ZEB2: variants seen among roughly 807,000 people sequenced by gnomAD.
ZEB2 encodes the protein zinc finger E-box binding homeobox 2.
A neutral mutation model predicts 99.9 loss-of-function variants in ZEB2; 6 were observed. That is an observed-to-expected ratio of 0.06 (90% CI 0.03 to 0.12). The LOEUF (loss-of-function observed/expected upper bound fraction) is 0.12, where lower values mean the gene tolerates loss of function less well. Ranked by LOEUF, ZEB2 falls within the 10% of genes least tolerant of loss-of-function variation. The pLI, the probability that ZEB2 is intolerant of heterozygous loss-of-function variation, is 1.00. For missense variants in ZEB2, 969 were observed against 1,502.8 expected, an observed-to-expected ratio of 0.64 and a Z score of 5.87; for synonymous variants, 517 against 542.5, an observed-to-expected ratio of 0.95 and a Z score of 0.65.
chr2:144,515,917 G>C (rs1313562647), intron 2 of ZEB2: 1 of 152,322 alleles, frequency 6.6e-6, no homozygotes, highest in East Asian at 1.9e-4. Context: ...TCCCCGCGCC[G>C]CGCAGCTCTG....
rs1457529551 is a variant in ZEB2 at position 144,457,387 on chromosome 2, T to G, written c.74-27361A>C. Among the ~76,000 whole-genome samples, 3 of 152,316 alleles carry G rather than the reference T, an allele frequency of 2.0e-5. No individual in the cohort carries two copies. The East Asian group carries it at 5.8e-4, about 29-fold the overall frequency. On this transcript the variant is annotated intron_variant, in intron 2 of 9. Coordinates refer to ENST00000627532, the MANE Select transcript of ZEB2 (RefSeq NM_014795.4). ...TTCCTGACTCCAGAAACTATTTGTC[T>G]CTAGATTCTATCTGTGCTCTCTTCA...
chr2:144,471,134 A>G (rs6430059), intron 2 of ZEB2, among the ~76,000 whole-genome samples: 92,219 of 151,964 alleles, frequency 0.61, 28,715 homozygotes, highest in Non-Finnish European at 0.69. Context: ...GTTACCTGAT[A>G]TAAGTGATTA....
chr2:144,469,548 C>T (rs1161177399), intron 2 of ZEB2, among the ~76,000 whole-genome samples: 1 of 152,128 alleles, frequency 6.6e-6, no homozygotes, highest in Non-Finnish European at 1.5e-5. Flanking sequence ...CCTGTGTTTT[C>T]CTTCTAACCA....
intron 2 of ZEB2, among the ~76,000 whole-genome samples, chr2:144,483,020 A>G (rs1163775412): frequency 6.6e-6 from 1 of 152,034 alleles, no homozygotes; most frequent in African/African-American, 2.4e-5. Context: ...TCTTCATTCA[A>G]CTTAGAAAAC....
intron 2 of ZEB2, among the ~76,000 whole-genome samples, chr2:144,493,750 G>A (rs1704717515): frequency 6.6e-6 from 1 of 152,130 alleles, no homozygotes; most frequent in Non-Finnish European, 1.5e-5. Flanking sequence ...ACCTCTTTGT[G>A]ATATTAAAAT....
At chr2:144,486,663 A>G (rs933903389) in intron 2 of ZEB2, among the ~76,000 whole-genome samples, 10 of 152,318 alleles carry the variant, frequency 6.6e-5, no homozygotes, top group African/African-American at 2.4e-4. Flanking sequence ...ATTATCATGT[A>G]TCCAAAAGGG....
chr2:144,509,252 G>A (rs558488719), intron 2 of ZEB2, among the ~76,000 whole-genome samples: 4 of 152,212 alleles, frequency 2.6e-5, no homozygotes, highest in African/African-American at 7.2e-5. Flanking sequence ...CATTATCCCC[G>A]TACCTCACTT....
chr2:144,393,311 T>C (rs1703176112), intron 9 of ZEB2, among the ~76,000 whole-genome samples: 1 of 152,170 alleles, frequency 6.6e-6, no homozygotes, highest in African/African-American at 2.4e-5. Flanking sequence ...GGAAATAAAT[T>C]GAGGCAAAAA....
chr2:144,476,200 T>A (rs1209732635), intron 2 of ZEB2, among the ~76,000 whole-genome samples: 47 of 152,308 alleles, frequency 3.1e-4, no homozygotes, highest in Non-Finnish European at 1.5e-5. Flanking sequence ...AGTTCTCATT[T>A]GCGCCATTTG....
At position 144,398,757 on chromosome 2, in the gene ZEB2, C is replaced by A. The variant is rs773130605; in HGVS notation, c.2430G>T (p.Glu810Asp). The A allele has an allele frequency of 6.2e-7, 1 of 1,614,094 alleles. No individual in the cohort carries two copies. The highest frequency in any genetic ancestry group is 1.1e-5 in the South Asian group (1 of 91,088). The part of the protein sequence containing the change: ...SYTPNSFSSE[E>D]LQAEPLDLSL... ...ACAAGTCTAAAGGCTCAGCCTGGAG[C>A]TCCTCAGAAGAGAAGCTGTTTGGAG... Residue 810 changes from glutamate (E) to aspartate (D), a missense_variant, in exon 8 of 10, where the codon GAG becomes GAT. Physicochemically the swap from Glu to Asp is conservative, Grantham distance 45 (BLOSUM62 2). Coordinates refer to ENST00000627532, the MANE Select transcript of ZEB2 (RefSeq NM_014795.4).
intron 2 of ZEB2, among the ~76,000 whole-genome samples, chr2:144,435,875 A>G (rs1434492539): frequency 1.3e-5 from 2 of 151,742 alleles, no homozygotes; most frequent in African/African-American, 4.8e-5. Context: ...GCTATTTTTC[A>G]ATAATTTTTG....
At position 144,520,094 on chromosome 2, in the gene ZEB2, T is replaced by C; in HGVS notation, c.-225A>G. ...CCAAGAGTGTCGGGAGGCAGGACCG[T>C]TATTCCTGCAGAGCAGGTTAGAACT... On this transcript the variant is annotated 5_prime_UTR_variant, in exon 1 of 10. Coordinates refer to ENST00000627532, the MANE Select transcript of ZEB2 (RefSeq NM_014795.4). 2.2e-6 allele frequency: 1 copy of C among 454,520 alleles called. No homozygotes were observed. The highest frequency in any genetic ancestry group is 4.4e-6 in the Non-Finnish European group (1 of 226,788). The allele number at this position is 454,520 out of a possible 1,614,324, so 28.2% of individuals were successfully genotyped here.
intron 9 of ZEB2, chr2:144,394,463 G>C (rs970790311): frequency 1.6e-4 from 24 of 152,170 alleles, no homozygotes; most frequent in African/African-American, 5.5e-4. Flanking sequence ...GATGCCTTCA[G>C]TGATGTGCCT....
intron 2 of ZEB2, among the ~76,000 whole-genome samples, chr2:144,498,210 T>C (rs2149923769): frequency 7.5e-6 from 1 of 133,674 alleles, no homozygotes; most frequent in East Asian, 2.0e-4. Context: ...GCTAAGCTCA[T>C]AGGGCACTAC....
At chr2:144,489,638 TA>T (rs2149918528) in intron 2 of ZEB2, among the ~76,000 whole-genome samples, 2 of 152,378 alleles carry the variant, frequency 1.3e-5, no homozygotes, top group East Asian at 3.9e-4. Context: ...TGGAACGGTG[TA>T]ATTATGTTCT....
chr2:144,475,400 A>T (rs939391059), intron 2 of ZEB2, among the ~76,000 whole-genome samples: 2 of 152,222 alleles, frequency 1.3e-5, no homozygotes, highest in Non-Finnish European at 2.9e-5. Context: ...CAACTAAAAA[A>T]GTAATTCCTT....
intron 2 of ZEB2, among the ~76,000 whole-genome samples, chr2:144,470,793 G>A (rs1704344680): frequency 6.6e-6 from 1 of 152,054 alleles, no homozygotes; most frequent in Non-Finnish European, 1.5e-5. Flanking sequence ...CCAGCATCTA[G>A]TCAGCAGACT....
intron 2 of ZEB2, chr2:144,513,050 G>T (rs943803750): frequency 7.8e-7 from 1 of 1,287,122 alleles, no homozygotes; most frequent in African/African-American, 1.5e-5. Flanking sequence ...GTCTAAGTGT[G>T]TATGACTCTC....
intron 2 of ZEB2, among the ~76,000 whole-genome samples, chr2:144,447,359 C>T (rs1327777564): frequency 6.6e-6 from 1 of 152,176 alleles, no homozygotes; most frequent in African/African-American, 2.4e-5. Context: ...TCTTAGCTTA[C>T]CCATAAAATG....
Sources: gnomAD v4.1 joint callset for allele counts (sites outside exome capture counted in the v4.1 genomes callset) on GRCh38, gnomAD v4.1.1 for gene constraint, MANE v1.5 for transcripts, NCBI Gene and HGNC (gene_info 2026-07-23, HGNC 2026-07-21) for gene names.